Variants in PPT1 observed in about 807,000 individuals in gnomAD.
PPT1 encodes the protein palmitoyl-protein thioesterase 1, also known as ceroid-palmitoyl-palmitoyl-protein thioesterase 1.
PPT1 carries 24 observed loss-of-function variants against 44.0 expected under a neutral mutation model. That is an observed-to-expected ratio of 0.54 (90% CI 0.39 to 0.77). PPT1 has a LOEUF of 0.77. Among genes scored for constraint, PPT1 ranks in the 30% least tolerant of loss-of-function variants. The pLI is 0.00. For synonymous variants in PPT1, 148 were observed against 140.2 expected (o/e 1.06, Z -0.39); for missense variants, 341 against 378.8 (o/e 0.90, Z 0.83).
At chr1:40,080,513 G>A (rs774882299) in intron 5 of PPT1, 26 bp from the exon 6 acceptor site, 1 of 1,604,884 alleles carries the variant, frequency 6.2e-7, no homozygotes, top group South Asian at 1.1e-5. Context: ...AGAATGAGGT[G>A]ATCAAGCTAC....
intron 5 of PPT1, among the ~76,000 whole-genome samples, chr1:40,081,967 A>G (rs1648965304): frequency 6.6e-6 from 1 of 152,226 alleles, no homozygotes; most frequent in Non-Finnish European, 1.5e-5. Context: ...AATAAGGTCC[A>G]GGCTGAGGTA....
Position 40,076,888 on chromosome 1 carries a change from T to G in PPT1, c.752A>C (p.Gln251Pro). Reference protein sequence around the residue: ...SEWFGFYRSGQAKETIPLQET... With the variant: ...SEWFGFYRSGPAKETIPLQET... ...CTGTAAGGGAATGGTTTCCTTGGCT[T>G]GGCCACTTCTGTAAAATCCAAACCA... Residue 251 changes from glutamine to proline, a missense_variant, in exon 8 of 9, where the codon CAA becomes CCA. By Grantham distance (76) the Gln-to-Pro change is moderately conservative. Transcript: ENST00000642050. 4.3e-6 allele frequency: 7 copies of G among 1,614,232 alleles called. No homozygotes were observed. The highest frequency in any genetic ancestry group is 5.9e-6 in the Non-Finnish European group (7 of 1,180,022).
At chr1:40,077,054 G>A in intron 7 of PPT1, 141 bp from the exon 8 acceptor site, 1 of 1,010,374 alleles carries the variant, frequency 9.9e-7, no homozygotes, top group Non-Finnish European at 1.5e-6. Flanking sequence ...TGGATAGGGT[G>A]CGTCTGAGTC....
chr1:40,075,871 T>A (rs1041855317), intron 8 of PPT1, among the ~76,000 whole-genome samples: 8 of 132,302 alleles, frequency 6.0e-5, no homozygotes, highest in African/African-American at 2.3e-4. Context: ...TGAGGCAGGA[T>A]AATCGCTTGA....
Position 40,074,104 on chromosome 1 carries a change from G to A in PPT1, c.878C>T (p.Ser293Phe), listed in dbSNP as rs374154128. The A allele has an allele frequency of 9.9e-6, 16 of 1,614,182 alleles. No individual in the cohort carries two copies. The highest frequency in any genetic ancestry group is 1.4e-5 in the Non-Finnish European group (16 of 1,180,026). ...LATEGDHLQL[S>F]EEWFYAHIIP... ...GATGTGGGCATAAAACCATTCTTCA[G>A]ACAACTGAAGATGGTCCCCTTCTGT... The change falls in exon 9 of 9, where the codon TCT becomes TTT. Residue 293 changes from serine (S) to phenylalanine (F), a missense_variant. Coordinates refer to ENST00000642050, the MANE Select transcript of PPT1 (RefSeq NM_000310.4).
chr1:40,076,257 G>A (rs943286301), intron 8 of PPT1, among the ~76,000 whole-genome samples: 1 of 152,084 alleles, frequency 6.6e-6, no homozygotes, highest in Non-Finnish European at 1.5e-5. Flanking sequence ...CTGAGGTCAG[G>A]AGTTCAAGAC....
chr1:40,077,082 G>A (rs1413376078), intron 7 of PPT1, among the ~76,000 whole-genome samples, 169 bp from the exon 8 acceptor site: 1 of 152,198 alleles, frequency 6.6e-6, no homozygotes, highest in Non-Finnish European at 1.5e-5. Context: ...CTTAAGGGTG[G>A]AGCCCGAGGG....
Position 40,097,198 on chromosome 1 carries a change from A to T in PPT1, c.41T>A (p.Leu14His), listed in dbSNP as rs1322447258. The change falls in exon 1 of 9, where the codon CTC becomes CAC. Residue 14 changes from leucine (L) to histidine (H), a missense_variant. Transcript: ENST00000642050. ...CCGAGAAGCGCAGGTCCATGGCAGG[A>T]GAGCCACAGCCAAGAGCCACAGGCA... is the stretch of plus-strand genomic sequence containing the variant. ...PGCLWLLAVA[L>H]LPWTCASRAL... is the part of the protein sequence containing the mutation. 6.2e-7 allele frequency: 1 copy of T among 1,614,050 alleles called. No homozygotes were observed. The highest frequency in any genetic ancestry group is 1.7e-5 in the Admixed American group (1 of 60,026).
chr1:40,080,804 G>A (rs1215713116), intron 5 of PPT1, among the ~76,000 whole-genome samples: 1 of 152,154 alleles, frequency 6.6e-6, no homozygotes, highest in African/African-American at 2.4e-5. Flanking sequence ...AACCCCGGCG[G>A]CAGAGGTTGC....
chr1:40,082,605 T>C (rs1259709970), intron 5 of PPT1, among the ~76,000 whole-genome samples: 1 of 152,132 alleles, frequency 6.6e-6, no homozygotes, highest in African/African-American at 2.4e-5. Flanking sequence ...CTAACTCTCT[T>C]CAATTCAATG....
intron 5 of PPT1, among the ~76,000 whole-genome samples, chr1:40,088,761 G>A (rs1016954486): frequency 1.3e-5 from 2 of 152,150 alleles, no homozygotes; most frequent in Admixed American, 1.3e-4. Flanking sequence ...GTGATATAGG[G>A]AGTAGCTAAT....
intron 1 of PPT1, chr1:40,096,791 T>C (rs1003491091): frequency 7.8e-6 from 3 of 384,532 alleles, no homozygotes; most frequent in Admixed American, 8.3e-5. Context: ...GCCAGTCATA[T>C]AGCCAGCCGC....
chr1:40,082,692 G>T (rs912997160), intron 5 of PPT1, among the ~76,000 whole-genome samples: 1 of 152,234 alleles, frequency 6.6e-6, no homozygotes, highest in African/African-American at 2.4e-5. Flanking sequence ...TTCAAGGAAA[G>T]AAACCATCTC....
chr1:40,096,937 G>A, intron 1 of PPT1, 178 bp downstream of exon 1: 1 of 1,121,844 alleles, frequency 8.9e-7, no homozygotes. Context: ...TTCCAGTGAA[G>A]GGGACGGCTC....
At chr1:40,096,931 A>T in intron 1 of PPT1, 184 bp downstream of exon 1, 1 of 1,045,634 alleles carries the variant, frequency 9.6e-7, no homozygotes, top group Non-Finnish European at 1.4e-6. Flanking sequence ...CTCTCTTTCC[A>T]GTGAAGGGGA....
Position 40,073,357 on chromosome 1 carries a change from C to G in PPT1, c.*704G>C, listed in dbSNP as rs900945271. On this transcript the variant is annotated 3_prime_UTR_variant, in exon 9 of 9. Transcript: ENST00000642050. ...CTTTTCACTTTCGCGCCTACATTTT[C>G]TTCGCTCCCTAAGTTATACAAGATG... 1 of 152,340 alleles carries G rather than the reference C, an allele frequency of 6.6e-6. No individual in the cohort carries two copies. Among genetic ancestry groups the G allele is most frequent in the Admixed American group, 6.5e-5 (1 of 15,292 alleles). 9.4% of individuals were successfully genotyped at this position (152,340 alleles called of 1,614,324 possible). A position where few individuals can be genotyped will look rare whatever the true frequency, so the allele number is the denominator to read the frequency against.
At chr1:40,076,127 T>C (rs1648613965) in intron 8 of PPT1, among the ~76,000 whole-genome samples, 1 of 151,948 alleles carries the variant, frequency 6.6e-6, no homozygotes, top group Non-Finnish European at 1.5e-5. Context: ...CCCTTGTCAG[T>C]GCGTAATTTA....
chr1:40,086,776 A>C (rs72668749), intron 5 of PPT1, among the ~76,000 whole-genome samples: 1 of 152,154 alleles, frequency 6.6e-6, no homozygotes, highest in Non-Finnish European at 1.5e-5. Context: ...GCATGGAGAG[A>C]AAGAAGCAGC....
chr1:40,095,173 G>A lies in PPT1; in HGVS notation c.124+1942C>T, dbSNP rs558050488. On this transcript the variant is annotated intron_variant, in intron 1 of 8. Coordinates refer to ENST00000642050, the MANE Select transcript of PPT1 (RefSeq NM_000310.4). ...TCATGACCTATCAACATTTGATGCA[G>A]TTGATCATGCCCTTCTTCCTGAAAC... is the stretch of plus-strand genomic sequence containing the variant. 8.5e-5 allele frequency among the ~76,000 whole-genome samples: 13 copies of A among 152,250 alleles called. No individual in the cohort carries two copies. The South Asian group carries it at 2.5e-3, about 29-fold the overall frequency.
Sources: allele counts gnomAD v4.1 joint callset (sites outside exome capture counted in the v4.1 genomes callset), GRCh38; gene constraint gnomAD v4.1.1; transcripts MANE v1.5; gene names NCBI Gene and HGNC (gene_info 2026-07-23, HGNC 2026-07-21).